RSPH10B: variants seen among roughly 807,000 people sequenced by gnomAD.
The protein encoded by RSPH10B is radial spoke head 10 homolog B (Chlamydomonas).
A neutral mutation model predicts 52.5 loss-of-function variants in RSPH10B; 7 were observed. That is an observed-to-expected ratio of 0.13 (90% CI 0.08 to 0.25). The LOEUF (loss-of-function observed/expected upper bound fraction) is 0.25, where lower values mean the gene tolerates loss of function less well. Ranked by LOEUF, RSPH10B falls within the 10% of genes least tolerant of loss-of-function variation. The probability of loss-of-function intolerance (pLI) is 1.00; values close to 1 mark genes in which losing one functional copy is unlikely to be tolerated. For missense variants in RSPH10B, 89 were observed against 542.5 expected, an observed-to-expected ratio of 0.16 and a Z score of 8.30; for synonymous variants, 28 against 193.2, an observed-to-expected ratio of 0.14 and a Z score of 7.09.
At chr7:5,942,276 T>C (rs1365318159) in intron 13 of RSPH10B, among the ~76,000 whole-genome samples, 237 of 137,732 alleles carry the variant, frequency 1.7e-3, no homozygotes, top group South Asian at 0.012. Flanking sequence ...TTTTGGGGGA[T>C]TTTTTTGGGA....
intron 18 of RSPH10B, among the ~76,000 whole-genome samples, chr7:5,927,076 G>GTATATATATATATA (rs1383646838): frequency 3.0e-5 from 4 of 131,604 alleles, no homozygotes; most frequent in Non-Finnish European, 6.6e-5. Context: ...GTATATGTGT[G>GTATATATATATATA]TGTGTGTGTG....
At chr7:5,961,482 G>A (rs1780945187) in intron 3 of RSPH10B, among the ~76,000 whole-genome samples, 1 of 92,986 alleles carries the variant, frequency 1.1e-5, no homozygotes, top group Admixed American at 1.1e-4. Flanking sequence ...TGGGATTACA[G>A]GCACCCATCA....
Position 5,938,009 on chromosome 7 carries a change from GC to G in RSPH10B, c.1867-109del. ...TCCTGACATCTGAATATGCACGTTTGCCCACACACACACAGACATGCAGACA... is the reference window on the plus strand; with the variant it reads ...TCCTGACATCTGAATATGCACGTTTGCCACACACACACAGACATGCAGACA... On this transcript the variant is annotated intron_variant, in intron 14 of 18. Coordinates refer to ENST00000337579, the Ensembl canonical transcript of RSPH10B. 2.9e-6 allele frequency: 2 copies of G among 697,826 alleles called. 1 individual carries two copies. Among genetic ancestry groups the G allele is most frequent in the Non-Finnish European group, 5.0e-6 (2 of 403,128 alleles). The allele number at this position is 697,826 out of a possible 1,614,324, so 43.2% of individuals were successfully genotyped here.
intron 17 of RSPH10B, among the ~76,000 whole-genome samples, chr7:5,929,014 TTTTTC>T (rs1175753907): frequency 2.1e-5 from 3 of 146,060 alleles, no homozygotes; most frequent in Non-Finnish European, 4.5e-5. Flanking sequence ...TTCTCTTGCT[TTTTTC>T]TTTTTTTTTT....
At chr7:5,931,003 A>G (rs953879581) in intron 17 of RSPH10B, among the ~76,000 whole-genome samples, 1 of 98,992 alleles carries the variant, frequency 1.0e-5, no homozygotes, top group African/African-American at 3.8e-5. Context: ...GCATGGTCTC[A>G]GCTCACTGCA....
At chr7:5,953,533 TA>T (rs1420106820) in intron 7 of RSPH10B, 1 of 87,140 alleles carries the variant, frequency 1.1e-5, no homozygotes, top group Admixed American at 1.3e-4. Flanking sequence ...CACTCCAGCC[TA>T]GGTGACAGAG....
intron 11 of RSPH10B, among the ~76,000 whole-genome samples, chr7:5,944,673 C>T (rs1417192878): frequency 6.9e-6 from 1 of 145,838 alleles, no homozygotes; most frequent in Non-Finnish European, 1.5e-5. Flanking sequence ...AAAAAGACTG[C>T]TGAGGCTGGG....
rs201896622 is a variant in RSPH10B at position 5,943,485 on chromosome 7, C to T, written c.1610-13G>A. 953 of 1,603,022 alleles carry T rather than the reference C, an allele frequency of 5.9e-4. 3 individuals are homozygous for T. Among genetic ancestry groups the T allele is most frequent in the Non-Finnish European group, 7.6e-4 (896 of 1,174,082 alleles). On this transcript the variant is annotated splice_polypyrimidine_tract_variant and intron_variant, in intron 12 of 18. Transcript: ENST00000337579. ...CGGAATAAATTGCCTAAAAATACAACGTTCGAAAAATGATTACAGATTTAT... is the reference window on the plus strand; with the variant it reads ...CGGAATAAATTGCCTAAAAATACAATGTTCGAAAAATGATTACAGATTTAT...
At position 5,957,897 on chromosome 7, in the gene RSPH10B, C is replaced by T. The variant is rs779222083; in HGVS notation, c.780+10G>A. On this transcript the variant is annotated intron_variant, in intron 6 of 18. Transcript: ENST00000337579. ...CTCTGGGTATAAGCTGCTACCCCGC[C>T]CGGGCGTACCTGGATGCCCCTCTCC... 59 of 1,323,858 alleles carry T rather than the reference C, an allele frequency of 4.5e-5. No homozygotes were observed. Among genetic ancestry groups the T allele is most frequent in the Non-Finnish European group, 5.3e-5 (54 of 1,011,376 alleles). 82.0% of individuals were successfully genotyped at this position (1,323,858 alleles called of 1,614,324 possible). A position where few individuals can be genotyped will look rare whatever the true frequency, so the allele number is the denominator to read the frequency against.
intron 13 of RSPH10B, among the ~76,000 whole-genome samples, chr7:5,939,585 A>ACACAC (rs1780082491): frequency 2.8e-5 from 1 of 36,226 alleles, no homozygotes; most frequent in African/African-American, 1.6e-4. Flanking sequence ...ACCTGTCTCA[A>ACACAC]ACACACACAC....
chr7:5,929,363 G>T (rs1043287339), intron 17 of RSPH10B, among the ~76,000 whole-genome samples: 1 of 117,170 alleles, frequency 8.5e-6, no homozygotes, highest in Non-Finnish European at 1.7e-5. Context: ...TAGAGACAAG[G>T]TTTCGCTATG....
chr7:5,954,566 T>C (rs1780681976), intron 7 of RSPH10B, among the ~76,000 whole-genome samples: 1 of 5,578 alleles, frequency 1.8e-4, no homozygotes, highest in African/African-American at 7.1e-4. Context: ...AGTTCCTCCT[T>C]TTCTTCTAGT....
intron 8 of RSPH10B, among the ~76,000 whole-genome samples, chr7:5,952,850 CT>C (rs1305482913): frequency 2.0e-5 from 2 of 100,080 alleles, no homozygotes; most frequent in Non-Finnish European, 3.8e-5. Flanking sequence ...AGCGATTCTC[CT>C]GCCTCAGCCT....
chr7:5,942,690 C>T (rs1248982239), intron 13 of RSPH10B, among the ~76,000 whole-genome samples: 4 of 150,056 alleles, frequency 2.7e-5, no homozygotes, highest in South Asian at 2.1e-4. Context: ...GGTGAACACC[C>T]GTCTCTACTA....
intron 18 of RSPH10B, among the ~76,000 whole-genome samples, chr7:5,926,970 G>A (rs1219871894): frequency 6.6e-6 from 1 of 150,882 alleles, no homozygotes; most frequent in South Asian, 2.1e-4. Flanking sequence ...GGCCAGGCTG[G>A]TCTCAAACTC....
intron 3 of RSPH10B, among the ~76,000 whole-genome samples, 200 bp from the exon 6 acceptor site, chr7:5,961,064 G>A (rs1378342638): frequency 2.2e-5 from 2 of 89,796 alleles, no homozygotes; most frequent in Admixed American, 1.2e-4. Flanking sequence ...CATCTGACCC[G>A]ACCAGTGGGC....
chr7:5,928,026 G>A (rs2128619827), intron 18 of RSPH10B, 170 bp downstream of exon 20: 1 of 791,878 alleles, frequency 1.3e-6, no homozygotes, highest in South Asian at 1.6e-5. Context: ...AAGGCTTCAG[G>A]TGTTCTGCCA....
At chr7:5,950,569 CAAAA>C (rs71251915) in intron 9 of RSPH10B, among the ~76,000 whole-genome samples, 1 of 133,488 alleles carries the variant, frequency 7.5e-6, no homozygotes. Context: ...GACTCCGTCT[CAAAA>C]AAAAAAAAAA....
chr7:5,928,406 T>A lies in RSPH10B; in HGVS notation c.2234-12A>T. On this transcript the variant is annotated splice_polypyrimidine_tract_variant and intron_variant, in intron 17 of 18. Transcript: ENST00000337579. The stretch of plus-strand genomic sequence containing the variant: ...TCTCTCATATTTCTCTGGAATAGAG[T>A]TTCATGAAGCTGAACATGAATACAA... 1 of 1,609,466 alleles carries A rather than the reference T, an allele frequency of 6.2e-7. No homozygotes were observed. Among genetic ancestry groups the A allele is most frequent in the Non-Finnish European group, 8.5e-7 (1 of 1,176,272 alleles).
Sources: allele counts gnomAD v4.1 joint callset (sites outside exome capture counted in the v4.1 genomes callset), GRCh38; gene constraint gnomAD v4.1.1; transcripts MANE v1.5; gene names NCBI Gene and HGNC (gene_info 2026-07-23, HGNC 2026-07-21).